The following IFIH1 variants were observed in gnomAD, a reference collection of about 807,000 sequenced individuals.
IFIH1 encodes the protein interferon-induced helicase C domain-containing protein 1.
In IFIH1, 125 loss-of-function variants were observed where a neutral mutation model predicts 107.4. The ratio of observed to expected loss-of-function variants is 1.16; its 90% CI spans 1.01 to 1.35. The LOEUF is 1.35. Ranked by LOEUF, IFIH1 falls within the 40% of genes most tolerant of loss-of-function variation. The probability of loss-of-function intolerance (pLI) is 0.00; values close to 1 mark genes in which losing one functional copy is unlikely to be tolerated. For missense variants in IFIH1, 1,333 were observed against 1,213.7 expected (o/e 1.10, Z -1.46); for synonymous variants, 458 against 413.2 (o/e 1.11, Z -1.31).
chr2:162,298,788 G>T (rs1444861515), intron 3 of IFIH1, among the ~76,000 whole-genome samples: 1 of 149,546 alleles, frequency 6.7e-6, no homozygotes, highest in African/African-American at 2.5e-5. Flanking sequence ...GCACGCGCGC[G>T]CGCACACACA....
In IFIH1 at chr2:162,318,297, C is replaced by T. The variant is rs1558879403; in HGVS notation, c.11G>A (p.Gly4Glu). 4 of 1,610,642 alleles carry T rather than the reference C, an allele frequency of 2.5e-6. No individual in the cohort carries two copies. The change falls in exon 1 of 16, where the codon GGG becomes GAG. Residue 4 changes from glycine to glutamate, a missense_variant. Transcript: ENST00000649979. Reference sequence around the variant, plus strand: ...GCGGAAATTCTCGTCTGTGGAATACCCATTCGACATCTTTCTTTCTCAGAG... The same window carrying T: ...GCGGAAATTCTCGTCTGTGGAATACTCATTCGACATCTTTCTTTCTCAGAG... MSN[G>E]YSTDENFRYL...
intron 11 of IFIH1, among the ~76,000 whole-genome samples, chr2:162,274,444 A>G (rs2105194386): frequency 1.3e-5 from 2 of 152,286 alleles, no homozygotes; most frequent in Middle Eastern, 6.8e-3. Flanking sequence ...GAAGCTATGG[A>G]ATATTCCCAA....
intron 3 of IFIH1, among the ~76,000 whole-genome samples, chr2:162,298,123 C>T (rs1217536475): frequency 1.3e-5 from 2 of 151,974 alleles, no homozygotes; most frequent in African/African-American, 4.8e-5. Context: ...TAAAGTCTGC[C>T]CTCTGCTGGA....
chr2:162,285,232 T>G (rs1170202541), intron 5 of IFIH1, among the ~76,000 whole-genome samples: 1 of 152,050 alleles, frequency 6.6e-6, no homozygotes, highest in Non-Finnish European at 1.5e-5. Flanking sequence ...TCTCTCATGA[T>G]GTTGAAGCCC....
intron 13 of IFIH1, 60 bp downstream of exon 13, chr2:162,272,166 A>G (rs1691051854): frequency 2.2e-6 from 3 of 1,388,596 alleles, no homozygotes; most frequent in Non-Finnish European, 3.0e-6. Context: ...AGAGATATCA[A>G]TGGCAACCAC....
At position 162,276,705 on chromosome 2, in the gene IFIH1, C is replaced by G. The variant is rs1162608340; in HGVS notation, c.2286G>C (p.Glu762Asp). 1.9e-6 allele frequency: 3 copies of G among 1,613,224 alleles called. No individual in the cohort carries two copies. In the African/African-American group the frequency reaches 4.0e-5, roughly 22 times the overall value. The part of the protein sequence containing the change: ...HHLIGAGHSS[E>D]FKPMTQNEQK... Reference sequence around the variant, plus strand: ...TTTATACCTGTGTCATGGGTTTGAACTCACTGCTGTGTCCAGCTCCAATCA... The same window carrying G: ...TTTATACCTGTGTCATGGGTTTGAAGTCACTGCTGTGTCCAGCTCCAATCA... Residue 762 changes from glutamate (E) to aspartate (D), a missense_variant, in exon 11 of 16, where the codon GAG becomes GAC. Coordinates refer to ENST00000649979, the MANE Select transcript of IFIH1 (RefSeq NM_022168.4).
At chr2:162,301,431 G>C (rs561358283) in intron 3 of IFIH1, among the ~76,000 whole-genome samples, 1 of 152,128 alleles carries the variant, frequency 6.6e-6, no homozygotes, top group Non-Finnish European at 1.5e-5. Flanking sequence ...TAGGGCAGCT[G>C]TAACACAATG....
chr2:162,298,921 C>T (rs992024610), intron 3 of IFIH1, among the ~76,000 whole-genome samples: 1 of 152,136 alleles, frequency 6.6e-6, no homozygotes, highest in African/African-American at 2.4e-5. Flanking sequence ...TGGATCCAAG[C>T]TTCTAGGAAA....
chr2:162,268,068 T>G lies in IFIH1; in HGVS notation c.2807+19A>C. ...CACCCCTTGTGGAAAAATGTAAAAA[T>G]GGGTCTTTCTGGACTCACTTGAATT... is the stretch of plus-strand genomic sequence containing the variant. On this transcript the variant is annotated intron_variant, in intron 14 of 15. Transcript: ENST00000649979. 1 of 1,546,208 alleles carries G rather than the reference T, an allele frequency of 6.5e-7. No homozygotes were observed. Among genetic ancestry groups the G allele is most frequent in the Middle Eastern group, 1.7e-4 (1 of 5,806 alleles).
At chr2:162,291,509 C>A (rs887948727) in intron 4 of IFIH1, among the ~76,000 whole-genome samples, 14 of 151,066 alleles carry the variant, frequency 9.3e-5, no homozygotes, top group African/African-American at 3.2e-4. Flanking sequence ...AAAAAAAAAG[C>A]CTCTCATAAT....
rs1160814545 is a variant in IFIH1 at position 162,278,314 on chromosome 2, C to T, written c.1656G>A (p.Glu552=). 7.1e-7 allele frequency: 1 copy of T among 1,408,046 alleles called. No individual in the cohort carries two copies. Among genetic ancestry groups the T allele is most frequent in the South Asian group, 1.2e-5 (1 of 82,236 alleles). The allele number at this position is 1,408,046 out of a possible 1,614,324, so 87.2% of individuals were successfully genotyped here. A position where few individuals can be genotyped will look rare whatever the true frequency, so the allele number is the denominator to read the frequency against. The change falls in exon 9 of 16, where the codon GAG becomes GAA. Residue 552 remains glutamate (E), a synonymous_variant. Coordinates refer to ENST00000649979, the MANE Select transcript of IFIH1 (RefSeq NM_022168.4). ...ADATREDPFK[E]KLLEIMTRIQ... ...TCCTTGTCATTATTTCTAGAAGTTT[C>T]TCTTTAAATGGATCCTAAAAATAAA...
At chr2:162,273,174 A>G (rs768678109) in intron 12 of IFIH1, among the ~76,000 whole-genome samples, 153 of 152,216 alleles carry the variant, frequency 1.0e-3, no homozygotes, top group Middle Eastern at 3.2e-3. Flanking sequence ...TAGTGTATCT[A>G]TTAATCAGCA....
At position 162,273,901 on chromosome 2, in the gene IFIH1, AT is replaced by A. The variant is rs751055123; in HGVS notation, c.2347del (p.Ile783Ter). 1.2e-6 allele frequency: 2 copies of A among 1,609,274 alleles called. No individual in the cohort carries two copies. Among genetic ancestry groups the A allele is most frequent in the South Asian group, 2.2e-5 (2 of 90,524 alleles). ...EVISKFRTGKINLLIATTVAE... is the reference protein window; with the variant it reads ...EVISKFRTGKXNLLIATTVAE... ...CACTGTGGTAGCGATAAGCAGATTTATTTTTCCAGTGCGAAATTTACTAATG... is the reference window on the plus strand; with the variant it reads ...CACTGTGGTAGCGATAAGCAGATTTATTTTCCAGTGCGAAATTTACTAATG... On this transcript the variant is annotated frameshift_variant, in exon 12 of 16. Transcript: ENST00000649979. LOFTEE classifies it high-confidence loss of function.
intron 5 of IFIH1, among the ~76,000 whole-genome samples, chr2:162,286,448 G>C (rs1212927324): frequency 6.6e-6 from 1 of 151,956 alleles, no homozygotes; most frequent in African/African-American, 2.4e-5. Flanking sequence ...GAACCACTCT[G>C]CAAAGGAAGA....
chr2:162,285,235 T>G (rs1359573440), intron 5 of IFIH1, among the ~76,000 whole-genome samples: 1 of 152,038 alleles, frequency 6.6e-6, no homozygotes, highest in Non-Finnish European at 1.5e-5. Context: ...CTCATGATGT[T>G]GAAGCCCTAG....
intron 3 of IFIH1, among the ~76,000 whole-genome samples, chr2:162,294,028 C>A (rs1376614060): frequency 6.6e-6 from 1 of 151,822 alleles, no homozygotes; most frequent in Non-Finnish European, 1.5e-5. Flanking sequence ...AAAAATAATA[C>A]ATAGAAACCT....
chr2:162,288,917 GCA>G (rs3051152), intron 4 of IFIH1, among the ~76,000 whole-genome samples: 8,585 of 135,008 alleles, frequency 0.064, 254 homozygotes, highest in East Asian at 0.13. Context: ...ATACCAAAAA[GCA>G]CACACACACA....
chr2:162,276,750 T>C lies in IFIH1; in HGVS notation c.2241A>G (p.Val747=). ...WITENEKFAE[V]GVKAHHLIGA... is the part of the protein sequence containing the mutation. ...CAATCAGATGGTGGGCTTTGACTCC[T>C]ACTTCAGCAAATTTTTCATTTTCAG... The change falls in exon 11 of 16, where the codon GTA becomes GTG. Residue 747 remains valine (V), a synonymous_variant. Coordinates refer to ENST00000649979, the MANE Select transcript of IFIH1 (RefSeq NM_022168.4). 7 of 1,614,060 alleles carry C rather than the reference T, an allele frequency of 4.3e-6. No individual in the cohort carries two copies. The highest frequency in any genetic ancestry group is 5.9e-6 in the Non-Finnish European group (7 of 1,179,938).
intron 2 of IFIH1, among the ~76,000 whole-genome samples, chr2:162,308,524 G>T (rs145351892): frequency 1.3e-5 from 2 of 151,844 alleles, no homozygotes; most frequent in Non-Finnish European, 2.9e-5. Flanking sequence ...GATTATAGCT[G>T]CATGCCACCA....
Sources: allele counts gnomAD v4.1 joint callset (sites outside exome capture counted in the v4.1 genomes callset), GRCh38; gene constraint gnomAD v4.1.1; transcripts MANE v1.5; gene names NCBI Gene and HGNC (gene_info 2026-07-23, HGNC 2026-07-21).